The following CTNNA3 variants were observed in gnomAD, a reference collection of about 807,000 sequenced individuals.
The protein encoded by CTNNA3 is catenin alpha 3, also known as catenin alpha-3.
In CTNNA3, 76 loss-of-function variants were observed where a neutral mutation model predicts 95.7. That is an observed-to-expected ratio of 0.79 (90% CI 0.66 to 0.96). CTNNA3 has a LOEUF of 0.96. CTNNA3 is among the 40% of genes least tolerant of loss of function. The pLI, the probability that CTNNA3 is intolerant of heterozygous loss-of-function variation, is 0.00. For synonymous variants in CTNNA3, 431 were observed against 374.4 expected, an observed-to-expected ratio of 1.15 and a Z score of -1.74; for missense variants, 1,191 against 1,089.8, an observed-to-expected ratio of 1.09 and a Z score of -1.31.
intron 10 of CTNNA3, among the ~76,000 whole-genome samples, chr10:66,607,500 AGAAAGAAAAGAAACTTCAG>A (rs1844171916): frequency 6.8e-6 from 1 of 146,612 alleles, no homozygotes; most frequent in African/African-American, 2.5e-5. Context: ...AAAAAAAGCA[AGAAAGAAAAGAAACTTCAG>A]GCCAATGTCT....
At chr10:66,080,325 T>C (rs1322738479) in intron 14 of CTNNA3, among the ~76,000 whole-genome samples, 1 of 152,160 alleles carries the variant, frequency 6.6e-6, no homozygotes, top group African/African-American at 2.4e-5. Context: ...CTCTTATATA[T>C]ATACAAGAGA....
At chr10:67,298,238 C>G (rs1840124345) in intron 5 of CTNNA3, among the ~76,000 whole-genome samples, 1 of 152,214 alleles carries the variant, frequency 6.6e-6, no homozygotes, top group African/African-American at 2.4e-5. Flanking sequence ...TGGATTCACT[C>G]AAACTGCCAG....
At chr10:67,439,652 G>C (rs759380798) in intron 5 of CTNNA3, among the ~76,000 whole-genome samples, 1 of 152,082 alleles carries the variant, frequency 6.6e-6, no homozygotes, top group African/African-American at 2.4e-5. Context: ...TTTAAATAGG[G>C]ACAGAGAACC....
intron 6 of CTNNA3, among the ~76,000 whole-genome samples, chr10:67,182,498 A>G (rs1336431649): frequency 6.6e-6 from 1 of 152,104 alleles, no homozygotes; most frequent in Non-Finnish European, 1.5e-5. Flanking sequence ...TAGAAAGCTG[A>G]AACTGGATCC....
chr10:67,596,844 A>G (rs560867561), intron 3 of CTNNA3, among the ~76,000 whole-genome samples: 5 of 152,334 alleles, frequency 3.3e-5, no homozygotes, highest in African/African-American at 9.6e-5. Flanking sequence ...TTTGTGGACA[A>G]TATCCTCAAA....
chr10:67,147,739 T>C (rs868678893), intron 7 of CTNNA3, among the ~76,000 whole-genome samples: 1 of 152,208 alleles, frequency 6.6e-6, no homozygotes, highest in Non-Finnish European at 1.5e-5. Context: ...GGCTCTTTTT[T>C]TTCTAGTCCC....
At chr10:66,163,033 C>T (rs1398402472) in intron 13 of CTNNA3, among the ~76,000 whole-genome samples, 1 of 152,084 alleles carries the variant, frequency 6.6e-6, no homozygotes, top group African/African-American at 2.4e-5. Context: ...CCCACATAAA[C>T]TGAAGGGCTG....
chr10:67,738,827 G>C (rs1564843743), intron 1 of CTNNA3, among the ~76,000 whole-genome samples: 2 of 152,116 alleles, frequency 1.3e-5, no homozygotes, highest in African/African-American at 4.8e-5. Flanking sequence ...CAATGAACTG[G>C]AAGAAAGGGT....
intron 1 of CTNNA3, among the ~76,000 whole-genome samples, chr10:67,692,597 C>T (rs1840887800): frequency 7.3e-6 from 1 of 136,190 alleles, no homozygotes; most frequent in Non-Finnish European, 1.6e-5. Flanking sequence ...GGGACACAAA[C>T]ACTGCGGAAG....
At chr10:67,707,574 G>A (rs1307389080) in intron 1 of CTNNA3, among the ~76,000 whole-genome samples, 2 of 151,926 alleles carry the variant, frequency 1.3e-5, no homozygotes, top group Non-Finnish European at 2.9e-5. Flanking sequence ...CACTTATCAC[G>A]ACCTTGCATT....
chr10:66,581,039 G>A (rs1176465642), intron 10 of CTNNA3, among the ~76,000 whole-genome samples: 1 of 151,512 alleles, frequency 6.6e-6, no homozygotes, highest in Non-Finnish European at 1.5e-5. Context: ...TAGAATAATG[G>A]CCTCTAGTTC....
intron 16 of CTNNA3, among the ~76,000 whole-genome samples, chr10:65,980,473 A>T (rs907942441): frequency 1.3e-5 from 2 of 151,754 alleles, no homozygotes; most frequent in African/African-American, 4.8e-5. Context: ...TCCTCCTTAA[A>T]TCATTTTATG....
At chr10:67,325,801 T>A (rs1318626285) in intron 5 of CTNNA3, among the ~76,000 whole-genome samples, 1 of 152,128 alleles carries the variant, frequency 6.6e-6, no homozygotes, top group Non-Finnish European at 1.5e-5. Context: ...TTTTCTGTCT[T>A]GATGATCTGG....
Position 67,024,340 on chromosome 10 carries a change from G to T in CTNNA3, c.1047+155977C>A, listed in dbSNP as rs145875787. Among the ~76,000 whole-genome samples, 124 of 152,182 alleles carry T rather than the reference G, an allele frequency of 8.1e-4. No homozygotes were observed. In the East Asian group the frequency reaches 0.023, roughly 28 times the overall value. ...TTTTCTCTCTTACCATGACCTTCCT[G>T]CCTCCCTCTTACAAAGACCTTTGCA... On this transcript the variant is annotated intron_variant, in intron 7 of 17. Coordinates refer to ENST00000433211, the MANE Select transcript of CTNNA3 (RefSeq NM_013266.4).
chr10:66,637,578 T>C (rs1364423252), intron 9 of CTNNA3, among the ~76,000 whole-genome samples: 4 of 152,160 alleles, frequency 2.6e-5, no homozygotes, highest in Non-Finnish European at 5.9e-5. Flanking sequence ...AAGAAAGAAA[T>C]CCCACAGCAT....
At chr10:65,994,064 T>C (rs1419310089) in intron 15 of CTNNA3, among the ~76,000 whole-genome samples, 7 of 152,196 alleles carry the variant, frequency 4.6e-5, no homozygotes. Context: ...CCATTTACCT[T>C]CAAAGTTATT....
chr10:66,219,898 C>T (rs1032062776), intron 13 of CTNNA3, among the ~76,000 whole-genome samples: 4 of 151,984 alleles, frequency 2.6e-5, no homozygotes, highest in African/African-American at 4.8e-5. Flanking sequence ...CTGAGGCGGG[C>T]GGCTCCTTTG....
intron 7 of CTNNA3, among the ~76,000 whole-genome samples, chr10:66,987,496 ATTTG>A (rs1850799140): frequency 6.6e-6 from 1 of 152,070 alleles, no homozygotes; most frequent in Non-Finnish European, 1.5e-5. Flanking sequence ...AGACTTTGTT[ATTTG>A]TTTGTTTAAT....
chr10:67,223,738 T>C (rs1379929779), intron 5 of CTNNA3, among the ~76,000 whole-genome samples: 1 of 152,228 alleles, frequency 6.6e-6, no homozygotes, highest in East Asian at 1.9e-4. Flanking sequence ...ACCTGTACTA[T>C]GTTGAGCCTC....
Sources: gnomAD v4.1 joint callset for allele counts (sites outside exome capture counted in the v4.1 genomes callset) on GRCh38, gnomAD v4.1.1 for gene constraint, MANE v1.5 for transcripts, NCBI Gene and HGNC (gene_info 2026-07-23, HGNC 2026-07-21) for gene names.